Variants in TMEM178B observed in about 807,000 individuals in gnomAD.
TMEM178B encodes the protein transmembrane protein 178B.
TMEM178B carries 5 observed loss-of-function variants against 31.0 expected under a neutral mutation model. The ratio of observed to expected loss-of-function variants is 0.16; its 90% confidence interval spans 0.08 to 0.34. The LOEUF (loss-of-function observed/expected upper bound fraction) is 0.34, where lower values mean the gene tolerates loss of function less well. Ranked by LOEUF, TMEM178B falls within the 10% of genes least tolerant of loss-of-function variation. TMEM178B has a pLI of 1.00. For missense variants in TMEM178B, 275 were observed against 400.3 expected (o/e 0.69, Z 2.67); for synonymous variants, 164 against 164.0 (o/e 1.00, Z 0.00).
At chr7:141,337,140 CCATCATCACCACCACCAT>C (rs1799426361) in intron 2 of TMEM178B, among the ~76,000 whole-genome samples, 18 of 31,084 alleles carry the variant, frequency 5.8e-4, no homozygotes, top group East Asian at 8.7e-4. Context: ...ACCACCACCA[CCATCATCACCACCACCAT>C]CACCACCACC....
intron 2 of TMEM178B, among the ~76,000 whole-genome samples, chr7:141,416,615 G>A (rs550727894): frequency 3.3e-4 from 51 of 152,320 alleles, no homozygotes; most frequent in African/African-American, 1.2e-3. Flanking sequence ...TCCTTTGGGA[G>A]AACTGAAAAA....
At chr7:141,174,955 C>G (rs1796403962) in intron 1 of TMEM178B, among the ~76,000 whole-genome samples, 1 of 152,150 alleles carries the variant, frequency 6.6e-6, no homozygotes, top group Non-Finnish European at 1.5e-5. Context: ...TGCAGAAGCT[C>G]TTTAGTTTAA....
At chr7:141,144,833 C>T (rs919299345) in intron 1 of TMEM178B, among the ~76,000 whole-genome samples, 1 of 151,990 alleles carries the variant, frequency 6.6e-6, no homozygotes, top group Admixed American at 6.5e-5. Context: ...AAGCCAGACC[C>T]GAGGCTGAAT....
Position 141,074,687 on chromosome 7 carries a change from G to T in TMEM178B, c.377G>T (p.Arg126Leu). Residue 126 changes from arginine (R) to leucine (L), a missense_variant, in exon 1 of 4, where the codon CGG becomes CTG. By Grantham distance (102) the Arg-to-Leu change is moderately radical (BLOSUM62 -2). Transcript: ENST00000565468. The surrounding 1 kb of genome is among the most constrained non-coding windows in gnomAD (Gnocchi z 5.1). Reference sequence around the variant, plus strand: ...GACCCCGAGATCGCCGCCCTCATTCGGAAAGGTAAGCGCCGGGCGCAAGGC... The same window carrying T: ...GACCCCGAGATCGCCGCCCTCATTCTGAAAGGTAAGCGCCGGGCGCAAGGC... ...GFDPEIAALI[R>L]KGEIERCTYI... is the part of the protein sequence containing the mutation. 1 of 1,499,666 alleles carries T rather than the reference G, an allele frequency of 6.7e-7. No homozygotes were observed. The highest frequency in any genetic ancestry group is 8.9e-7 in the Non-Finnish European group (1 of 1,126,338). 92.9% of individuals were successfully genotyped at this position (1,499,666 alleles called of 1,614,324 possible). A position where few individuals can be genotyped will look rare whatever the true frequency, so the allele number is the denominator to read the frequency against.
chr7:141,332,806 T>G (rs1799319590), intron 2 of TMEM178B, among the ~76,000 whole-genome samples: 1 of 152,236 alleles, frequency 6.6e-6, no homozygotes, highest in Admixed American at 6.5e-5. Context: ...TTTCCCCACC[T>G]TGTAGTGAGT....
intron 1 of TMEM178B, among the ~76,000 whole-genome samples, chr7:141,083,647 A>G (rs1188607332): frequency 6.6e-6 from 1 of 152,234 alleles, no homozygotes; most frequent in African/African-American, 2.4e-5. Context: ...CCTCTTTCAA[A>G]TGGCTTGAAA....
intron 1 of TMEM178B, among the ~76,000 whole-genome samples, chr7:141,143,964 A>T (rs1017273593): frequency 3.3e-5 from 5 of 151,966 alleles, no homozygotes; most frequent in Non-Finnish European, 7.4e-5. Flanking sequence ...AGATTTTTTT[A>T]AATTTTATTT....
chr7:141,089,703 C>A (rs1020479703), intron 1 of TMEM178B, among the ~76,000 whole-genome samples: 13 of 152,150 alleles, frequency 8.5e-5, no homozygotes, highest in African/African-American at 3.1e-4. Context: ...AGTTCATGTC[C>A]TTTGTAGGGA....
rs1203921629 is a variant in TMEM178B, at chr7:141,074,706, G to A, written c.382+14G>A. On this transcript the variant is annotated intron_variant, in intron 1 of 3. Transcript: ENST00000565468. The surrounding 1 kb of genome is among the most constrained non-coding windows in gnomAD (Gnocchi z 5.1). ...TCATTCGGAAAGGTAAGCGCCGGGC[G>A]CAAGGCGTGGCGCTGCGGAGAGCCC... The A allele has an allele frequency of 6.8e-7, 1 of 1,469,446 alleles. No homozygotes were observed. Among genetic ancestry groups the A allele is most frequent in the Non-Finnish European group, 9.0e-7 (1 of 1,114,080 alleles). The allele number at this position is 1,469,446 out of a possible 1,614,324, so 91.0% of individuals were successfully genotyped here.
intron 2 of TMEM178B, among the ~76,000 whole-genome samples, chr7:141,272,462 G>GA (rs1046509317): frequency 6.6e-6 from 1 of 152,124 alleles, no homozygotes; most frequent in Non-Finnish European, 1.5e-5. Flanking sequence ...CTGAAAACAA[G>GA]AAAAATGGTT....
intron 1 of TMEM178B, among the ~76,000 whole-genome samples, chr7:141,103,996 A>C (rs1371620649): frequency 6.6e-6 from 1 of 152,216 alleles, no homozygotes; most frequent in Non-Finnish European, 1.5e-5. Context: ...CATTTGAAAA[A>C]ATAGAAACTA....
chr7:141,441,359 G>A (rs2116688353), intron 3 of TMEM178B, among the ~76,000 whole-genome samples: 1 of 152,312 alleles, frequency 6.6e-6, no homozygotes, highest in South Asian at 2.1e-4. Flanking sequence ...AATTTGGAGA[G>A]TAAGCCACCT....
chr7:141,191,096 G>A (rs1796689037), intron 1 of TMEM178B, among the ~76,000 whole-genome samples: 1 of 152,160 alleles, frequency 6.6e-6, no homozygotes. Flanking sequence ...GTTTCCAGGA[G>A]CCTATCAATG....
At chr7:141,174,649 C>T (rs1343441719) in intron 1 of TMEM178B, among the ~76,000 whole-genome samples, 2 of 152,190 alleles carry the variant, frequency 1.3e-5, no homozygotes, top group Admixed American at 6.5e-5. Context: ...TTAATGATCA[C>T]CATTCTAACT....
chr7:141,191,382 G>T (rs1481658353), intron 1 of TMEM178B, among the ~76,000 whole-genome samples: 1 of 152,162 alleles, frequency 6.6e-6, no homozygotes, highest in Non-Finnish European at 1.5e-5. Flanking sequence ...GGAATTTCTG[G>T]GTCAAATTGA....
chr7:141,356,143 A>G lies in TMEM178B; in HGVS notation c.497-81465A>G, dbSNP rs185736985. On this transcript the variant is annotated intron_variant, in intron 2 of 3. Transcript: ENST00000565468. ...ATTGATGGGCATCTAGGTTGATTCC[A>G]TGTCATTGCTATTGTGAATAGTGCT... 1.4e-4 allele frequency among the ~76,000 whole-genome samples: 22 copies of G among 152,286 alleles called. No homozygotes were observed. The South Asian group carries it at 2.5e-3, about 17-fold the overall frequency.
chr7:141,260,734 C>T (rs1199530764), intron 2 of TMEM178B, among the ~76,000 whole-genome samples: 1 of 152,140 alleles, frequency 6.6e-6, no homozygotes, highest in Non-Finnish European at 1.5e-5. Flanking sequence ...TTTAAAAAAA[C>T]ATTATTTTCA....
At chr7:141,241,905 A>G (rs1398517609) in intron 2 of TMEM178B, among the ~76,000 whole-genome samples, 1 of 152,158 alleles carries the variant, frequency 6.6e-6, no homozygotes, top group Non-Finnish European at 1.5e-5. Flanking sequence ...TTATCGAGAG[A>G]TCTTTTTTTT....
intron 1 of TMEM178B, among the ~76,000 whole-genome samples, chr7:141,193,395 A>G (rs1796728491): frequency 6.6e-6 from 1 of 152,198 alleles, no homozygotes; most frequent in South Asian, 2.1e-4. Flanking sequence ...CCCTGGAGTC[A>G]TGGGAATAAT....
Sources: allele counts gnomAD v4.1 joint callset (sites outside exome capture counted in the v4.1 genomes callset), GRCh38; gene constraint gnomAD v4.1.1; non-coding constraint Gnocchi (gnomAD v3.1); transcripts MANE v1.5; gene names NCBI Gene and HGNC (gene_info 2026-07-23, HGNC 2026-07-21).